The following TRANK1 variants were observed in gnomAD, a reference collection of about 807,000 sequenced individuals.
TRANK1 encodes TPR and ankyrin repeat-containing protein 1.
A neutral mutation model predicts 266.0 loss-of-function variants in TRANK1; 198 were observed. The ratio of observed to expected loss-of-function variants is 0.74; its 90% CI spans 0.66 to 0.84. The LOEUF (loss-of-function observed/expected upper bound fraction) is 0.84, where lower values mean the gene tolerates loss of function less well. Ranked by LOEUF, TRANK1 falls within the 40% of genes least tolerant of loss-of-function variation. The pLI is 0.00. For synonymous variants in TRANK1, 1,396 were observed against 1,384.1 expected (o/e 1.01, Z -0.19); for missense variants, 3,326 against 3,634.6 (o/e 0.92, Z 2.18).
Position 36,858,789 on chromosome 3 carries a change from G to C in TRANK1, c.1601C>G (p.Pro534Arg). The change falls in exon 12 of 24, where the codon CCC becomes CGC. Residue 534 changes from proline (P) to arginine (R), a missense_variant. Coordinates refer to ENST00000645898, the MANE Select transcript of TRANK1 (RefSeq NM_001329998.2). ...AFLLLTKGAD[P>R]RAISLTEGDT... The stretch of plus-strand genomic sequence containing the variant: ...ACCTTCCGTGAGAGAAATAGCACGG[G>C]GGTCTGCGCCCTTGGTCAAGAGAAG... 1 of 1,537,184 alleles carries C rather than the reference G, an allele frequency of 6.5e-7. No homozygotes were observed. The highest frequency in any genetic ancestry group is 8.7e-7 in the Non-Finnish European group (1 of 1,146,876).
chr3:36,857,967 AT>A lies in TRANK1; in HGVS notation c.1754del (p.Asn585MetfsTer10). 1 of 1,600,824 alleles carries A rather than the reference AT, an allele frequency of 6.2e-7. No homozygotes were observed. The highest frequency in any genetic ancestry group is 8.5e-7 in the Non-Finnish European group (1 of 1,179,696). On this transcript the variant is annotated frameshift_variant, in exon 13 of 24. Transcript: ENST00000645898. LOFTEE classifies it high-confidence loss of function. The surrounding 1 kb of genome is among the most constrained non-coding windows in gnomAD (Gnocchi z 4.3). ...NPTEFDYLNPNVQDSNGNTLM... is the reference protein window; with the variant it reads ...NPTEFDYLNPXVQDSNGNTLM... ...GCGTGTTCCCATTGCTGTCCTGGAC[AT>A]TGGGGTTGAGGTAGTCGAATTCAGT...
rs1272357184 is a variant in TRANK1, at chr3:36,842,702, C to T, written c.5200G>A (p.Asp1734Asn). 1.9e-6 allele frequency: 3 copies of T among 1,613,600 alleles called. No homozygotes were observed. The highest frequency in any genetic ancestry group is 2.7e-5 in the African/African-American group (2 of 74,928). ...GTTGAGGTCTTAACGAACATGCTAT[C>T]ATCAAAGTCTAAAATGAGAAAGAAA... ...VKTDENKDFD[D>N]SMFVKTSTPA... Residue 1734 changes from aspartate to asparagine, a missense_variant, in exon 18 of 24, where the codon GAT becomes AAT. By Grantham distance (23) the Asp-to-Asn change is conservative. Coordinates refer to ENST00000645898, the MANE Select transcript of TRANK1 (RefSeq NM_001329998.2).
At chr3:36,938,899 G>A (rs969655664) in intron 1 of TRANK1, among the ~76,000 whole-genome samples, 1 of 151,986 alleles carries the variant, frequency 6.6e-6, no homozygotes, top group Non-Finnish European at 1.5e-5. Flanking sequence ...GGCAGAGGCT[G>A]CAGTGAGCCT....
chr3:36,910,927 A>G (rs2080042692), intron 1 of TRANK1, among the ~76,000 whole-genome samples: 2 of 151,774 alleles, frequency 1.3e-5, no homozygotes, highest in Admixed American at 6.6e-5. Context: ...GAAATTAGCC[A>G]GGCATAGTGG....
Position 36,839,517 on chromosome 3 carries a change from C to T in TRANK1, c.5281-801G>A, listed in dbSNP as rs181305439. 1.9e-3 allele frequency among the ~76,000 whole-genome samples: 292 copies of T among 152,312 alleles called. 6 individuals are homozygous for T. The highest frequency in any genetic ancestry group is 0.017 in the Admixed American group (264 of 15,302). Reference sequence around the variant, plus strand: ...ATCTGTGTGGGTCTCCTTTCATTCCCGTGACCTGTGCCATTTCCTTCCCAT... The same window carrying T: ...ATCTGTGTGGGTCTCCTTTCATTCCTGTGACCTGTGCCATTTCCTTCCCAT... On this transcript the variant is annotated intron_variant, in intron 18 of 23. Coordinates refer to ENST00000645898, the MANE Select transcript of TRANK1 (RefSeq NM_001329998.2).
rs1299167985 is a variant in TRANK1 at position 36,903,245 on chromosome 3, C to T, written c.186G>A (p.Leu62=). The change falls in exon 3 of 24, where the codon CTG becomes CTA. Residue 62 remains leucine, a synonymous_variant. Coordinates refer to ENST00000645898, the MANE Select transcript of TRANK1 (RefSeq NM_001329998.2). ...GVPPRDLAVL[L]CNKSNAFFSL... The stretch of plus-strand genomic sequence containing the variant: ...TGAAAAATGCATTTGATTTGTTGCA[C>T]AGCAGCACAGCCAAGTCCCTCGGGG... 1 of 1,537,226 alleles carries T rather than the reference C, an allele frequency of 6.5e-7. No individual in the cohort carries two copies. Among genetic ancestry groups the T allele is most frequent in the African/African-American group, 1.4e-5 (1 of 73,060 alleles).
chr3:36,887,123 G>T (rs1216389671), intron 8 of TRANK1, among the ~76,000 whole-genome samples: 2 of 152,004 alleles, frequency 1.3e-5, no homozygotes, highest in Non-Finnish European at 2.9e-5. Flanking sequence ...AGTCAGACAG[G>T]AACTATTTTT....
chr3:36,926,243 GCTAA>G (rs1200924595), intron 1 of TRANK1, among the ~76,000 whole-genome samples: 1 of 151,938 alleles, frequency 6.6e-6, no homozygotes, highest in Non-Finnish European at 1.5e-5. Flanking sequence ...GTCTATCATG[GCTAA>G]CTATTGTCTC....
intron 1 of TRANK1, among the ~76,000 whole-genome samples, chr3:36,915,764 C>T (rs2125641349): frequency 6.6e-6 from 1 of 152,252 alleles, no homozygotes; most frequent in Non-Finnish European, 1.5e-5. Flanking sequence ...GAGATCACAG[C>T]TTAGATTGCA....
intron 17 of TRANK1, among the ~76,000 whole-genome samples, chr3:36,843,332 G>A (rs1384730119): frequency 1.3e-5 from 2 of 152,144 alleles, no homozygotes; most frequent in East Asian, 3.8e-4. Context: ...TCAGAAGACA[G>A]AAATTAAAAA....
intron 20 of TRANK1, among the ~76,000 whole-genome samples, chr3:36,835,842 A>T (rs971102611): frequency 7.9e-5 from 12 of 152,222 alleles, no homozygotes; most frequent in Non-Finnish European, 1.3e-4. Flanking sequence ...TTTTAAAGTT[A>T]AAGAGTCACA....
chr3:36,942,876 A>C (rs1454545124), intron 1 of TRANK1, among the ~76,000 whole-genome samples: 1 of 127,110 alleles, frequency 7.9e-6, no homozygotes, highest in African/African-American at 2.6e-5. Flanking sequence ...ACCCGCTTTA[A>C]AAAAAAAAAA....
At chr3:36,942,385 C>T (rs893357806) in intron 1 of TRANK1, among the ~76,000 whole-genome samples, 3 of 147,592 alleles carry the variant, frequency 2.0e-5, no homozygotes, top group African/African-American at 5.0e-5. Context: ...CTCTTGATTG[C>T]AGCTGTGAAA....
chr3:36,878,341 C>T (rs1215020406), intron 8 of TRANK1, among the ~76,000 whole-genome samples: 1 of 152,182 alleles, frequency 6.6e-6, no homozygotes, highest in Non-Finnish European at 1.5e-5. Flanking sequence ...TTGCACAAAA[C>T]CAGTCCCTGG....
At chr3:36,924,186 G>A (rs72862653) in intron 1 of TRANK1, among the ~76,000 whole-genome samples, 11 of 152,034 alleles carry the variant, frequency 7.2e-5, no homozygotes, top group Non-Finnish European at 8.8e-5. Context: ...TTTTTTCCTC[G>A]TACCTGGGCT....
At chr3:36,892,544 G>A (rs987164555) in intron 6 of TRANK1, among the ~76,000 whole-genome samples, 4 of 152,144 alleles carry the variant, frequency 2.6e-5, no homozygotes, top group East Asian at 3.9e-4. Context: ...TCAAGAAATC[G>A]CCTTGCGAGG....
At chr3:36,918,602 GGAAGGAAAGAAA>G (rs2080168964) in intron 1 of TRANK1, among the ~76,000 whole-genome samples, 41 of 54,596 alleles carry the variant, frequency 7.5e-4, no homozygotes, top group Middle Eastern at 0.01. Flanking sequence ...AAGGAAGGAA[GGAAGGAAAGAAA>G]GAAAGAAAGA....
intron 17 of TRANK1, among the ~76,000 whole-genome samples, chr3:36,844,677 G>C (rs1056512392): frequency 3.3e-5 from 5 of 152,186 alleles, no homozygotes; most frequent in African/African-American, 7.2e-5. Context: ...TCATTACACA[G>C]GTAGAAAGTT....
chr3:36,895,514 C>T, intron 5 of TRANK1, 126 bp downstream of exon 5: 2 of 555,732 alleles, frequency 3.6e-6, no homozygotes, highest in Non-Finnish European at 6.0e-6. Context: ...TAATGATATC[C>T]TAGTTAAAAA....
Sources: allele counts gnomAD v4.1 joint callset (sites outside exome capture counted in the v4.1 genomes callset), GRCh38; gene constraint gnomAD v4.1.1; non-coding constraint Gnocchi (gnomAD v3.1); transcripts MANE v1.5; gene names NCBI Gene and HGNC (gene_info 2026-07-23, HGNC 2026-07-21).